Variants in NUMB observed in about 807,000 individuals in gnomAD.
NUMB encodes the protein NUMB endocytic adaptor protein.
Under a neutral mutation model 59.7 loss-of-function variants are expected in NUMB, and 29 were observed. That is an observed-to-expected ratio of 0.49 (90% confidence interval 0.36 to 0.66). The LOEUF (loss-of-function observed/expected upper bound fraction) is 0.66. NUMB is among the 30% of genes least tolerant of loss of function. The pLI is 0.00. For missense variants in NUMB, 723 were observed against 822.0 expected, an observed-to-expected ratio of 0.88 and a Z score of 1.47; for synonymous variants, 288 against 288.2, an observed-to-expected ratio of 1.00 and a Z score of 0.01.
chr14:73,288,927 G>C (rs1359929842), intron 8 of NUMB, among the ~76,000 whole-genome samples: 2 of 152,052 alleles, frequency 1.3e-5, no homozygotes, highest in Non-Finnish European at 2.9e-5. Context: ...GTGTGTGTCT[G>C]TGGTCCTACT....
At chr14:73,391,900 T>C (rs1211249851) in intron 2 of NUMB, among the ~76,000 whole-genome samples, 2 of 152,326 alleles carry the variant, frequency 1.3e-5, no homozygotes, top group Non-Finnish European at 2.9e-5. Flanking sequence ...TGGAAGACTG[T>C]TGTACATCTG....
chr14:73,414,064 C>T (rs1897017414), intron 1 of NUMB, among the ~76,000 whole-genome samples: 1 of 151,616 alleles, frequency 6.6e-6, no homozygotes, highest in Non-Finnish European at 1.5e-5. Context: ...AAGGGATTCT[C>T]ATGCCTCAGC....
intron 2 of NUMB, among the ~76,000 whole-genome samples, chr14:73,396,220 T>C (rs11159017): frequency 0.24 from 35,811 of 151,616 alleles, 5,145 homozygotes; most frequent in East Asian, 0.68. Context: ...AGTGCTGAGA[T>C]TACAGGCATG....
At chr14:73,281,383 A>T (rs1888626574) in intron 11 of NUMB, 1 of 152,154 alleles carries the variant, frequency 6.6e-6, no homozygotes, top group South Asian at 2.1e-4. Context: ...TACCGGTATT[A>T]TAAATGTTTG....
At chr14:73,373,973 A>C (rs947771228) in intron 2 of NUMB, among the ~76,000 whole-genome samples, 4 of 151,900 alleles carry the variant, frequency 2.6e-5, no homozygotes, top group African/African-American at 7.3e-5. Context: ...GGTTCAAGCG[A>C]TTCTCCAGCC....
chr14:73,327,762 A>C (rs2139937454), intron 4 of NUMB, among the ~76,000 whole-genome samples: 1 of 152,276 alleles, frequency 6.6e-6, no homozygotes, highest in Non-Finnish European at 1.5e-5. Flanking sequence ...TAAAAAACAT[A>C]CAGTAAAATT....
chr14:73,394,775 T>TG (rs1477797874), intron 2 of NUMB, among the ~76,000 whole-genome samples: 1 of 152,236 alleles, frequency 6.6e-6, no homozygotes, highest in East Asian at 1.9e-4. Context: ...AGTGAAATCA[T>TG]GAAGTATTTG....
At chr14:73,346,480 C>CAA (rs144434568) in intron 4 of NUMB, among the ~76,000 whole-genome samples, 66 of 114,926 alleles carry the variant, frequency 5.7e-4, no homozygotes, top group African/African-American at 1.6e-3. Context: ...AACTCTGTCT[C>CAA]AAAAAAAAAA....
intron 2 of NUMB, chr14:73,409,326 T>G (rs1465181452): frequency 6.6e-6 from 1 of 152,204 alleles, no homozygotes; most frequent in Admixed American, 6.5e-5. Context: ...GGATGCTCTC[T>G]CTCTCGGAAC....
At position 73,440,827 on chromosome 14, in the gene NUMB, C is replaced by CAAAAA. The variant is rs397713746; in HGVS notation, c.-233+17661_-233+17665dup. Among the ~76,000 whole-genome samples the CAAAAA allele has an allele frequency of 1.3e-3, 63 of 47,808 alleles. 1 individual carries two copies. The highest frequency in any genetic ancestry group is 0.012 in the South Asian group (11 of 896). The allele number at this position is 47,808 out of a possible 152,430, so 31.4% of individuals were successfully genotyped here. ...TGGGTGACAGAGCGAGACTCCGTCT[C>CAAAAA]AAAAAAAAAAAAAAAAAAAAAAAGG... On this transcript the variant is annotated intron_variant, in intron 1 of 12. Transcript: ENST00000555238.
intron 7 of NUMB, among the ~76,000 whole-genome samples, chr14:73,293,138 G>T (rs780563693): frequency 1.3e-5 from 2 of 152,004 alleles, no homozygotes; most frequent in African/African-American, 2.4e-5. Context: ...TTTCATGGTA[G>T]ATTCCACATT....
chr14:73,382,495 T>C lies in NUMB; in HGVS notation c.-100-15514A>G, dbSNP rs76240064. The stretch of plus-strand genomic sequence containing the variant: ...AACTTTAGGTAGTCTCACAGAAAAA[T>C]TAAGAGTCCAGGGCCTGACAAGAAG... On this transcript the variant is annotated intron_variant, in intron 2 of 12. Transcript: ENST00000555238. Among the ~76,000 whole-genome samples, 818 of 149,052 alleles carry C rather than the reference T, an allele frequency of 5.5e-3. 5 individuals carry two copies. Among genetic ancestry groups the C allele is most frequent in the African/African-American group, 0.019 (786 of 40,606 alleles).
At chr14:73,331,985 T>TGGG (rs1003200610) in intron 4 of NUMB, among the ~76,000 whole-genome samples, 2 of 152,222 alleles carry the variant, frequency 1.3e-5, no homozygotes, top group African/African-American at 2.4e-5. Context: ...TACATTAATA[T>TGGG]GGGGATTCTT....
intron 2 of NUMB, among the ~76,000 whole-genome samples, chr14:73,373,749 C>T (rs1894815028): frequency 6.7e-6 from 1 of 148,644 alleles, no homozygotes; most frequent in African/African-American, 2.5e-5. Context: ...TACTCTGTCA[C>T]CTAGGATGCA....
intron 6 of NUMB, among the ~76,000 whole-genome samples, chr14:73,302,062 GAC>G (rs1890166904): frequency 6.6e-6 from 1 of 151,942 alleles, no homozygotes; most frequent in Non-Finnish European, 1.5e-5. Context: ...CTGCCTGGGT[GAC>G]ACAGCGAGAC....
intron 2 of NUMB, among the ~76,000 whole-genome samples, chr14:73,384,714 C>T (rs1203041558): frequency 1.4e-5 from 2 of 145,950 alleles, no homozygotes; most frequent in East Asian, 2.0e-4. Context: ...ATTATAGGCA[C>T]GTGCCACCAC....
intron 1 of NUMB, among the ~76,000 whole-genome samples, chr14:73,419,168 T>C (rs1409620590): frequency 1.3e-5 from 2 of 152,306 alleles, no homozygotes; most frequent in Non-Finnish European, 2.9e-5. Flanking sequence ...AATTATCTTC[T>C]CTTTGGCAAA....
rs555139433 is a variant in NUMB at position 73,353,165 on chromosome 14, A to G, written c.126+2461T>C. On this transcript the variant is annotated intron_variant, in intron 4 of 12. Transcript: ENST00000555238. Reference sequence around the variant, plus strand: ...AATGGTGTGATCTGGGCTCACTGCCACCTCCACCTCCCAGGTTCAAGCAAT... The same window carrying G: ...AATGGTGTGATCTGGGCTCACTGCCGCCTCCACCTCCCAGGTTCAAGCAAT... Among the ~76,000 whole-genome samples the G allele has an allele frequency of 4.8e-4, 60 of 124,176 alleles. 1 individual carries two copies. Among genetic ancestry groups the G allele is most frequent in the African/African-American group, 1.8e-3 (57 of 32,392 alleles). The allele number at this position is 124,176 out of a possible 152,430, so 81.5% of individuals were successfully genotyped here. A position where few individuals can be genotyped will look rare whatever the true frequency, so the allele number is the denominator to read the frequency against.
At chr14:73,280,293 G>A (rs766439638) in intron 11 of NUMB, among the ~76,000 whole-genome samples, 1 of 152,036 alleles carries the variant, frequency 6.6e-6, no homozygotes, top group Non-Finnish European at 1.5e-5. Context: ...TACGAGTCTG[G>A]TATTATCCCC....
Sources: allele counts gnomAD v4.1 joint callset (sites outside exome capture counted in the v4.1 genomes callset), GRCh38; gene constraint gnomAD v4.1.1; transcripts MANE v1.5; gene names NCBI Gene and HGNC (gene_info 2026-07-23, HGNC 2026-07-21).